LOC400499: variants seen among roughly 807,000 people sequenced by gnomAD.
the LOC400499 span, among the ~76,000 whole-genome samples, chr16:11,473,506 A>G: frequency 6.6e-6 from 1 of 152,142 alleles, no homozygotes; most frequent in Non-Finnish European, 1.5e-5. Flanking sequence ...ATGGAGTTGA[A>G]AAGTTTGGGA....
the LOC400499 span, among the ~76,000 whole-genome samples, chr16:11,461,776 G>A: frequency 1.3e-5 from 2 of 152,102 alleles, no homozygotes; most frequent in African/African-American, 4.8e-5. Context: ...ACCCATGAGC[G>A]GCACACCCAG....
chr16:11,390,781 G>C, the LOC400499 span, among the ~76,000 whole-genome samples: 1 of 152,152 alleles, frequency 6.6e-6, no homozygotes. Context: ...CCGGACCCCT[G>C]CTTGCTTCCT....
At chr16:11,416,855 A>G in the LOC400499 span, among the ~76,000 whole-genome samples, 1 of 152,090 alleles carries the variant, frequency 6.6e-6, no homozygotes, top group Non-Finnish European at 1.5e-5. Flanking sequence ...AAGGAGTGGA[A>G]CAAGTAGGGC....
chr16:11,459,985 A>G, the LOC400499 span: 2 of 1,515,500 alleles, frequency 1.3e-6, no homozygotes, highest in Non-Finnish European at 1.8e-6. Context: ...TTCTTGTCCC[A>G]GTGCTTCCCG....
At chr16:11,507,397 G>A in the LOC400499 span, among the ~76,000 whole-genome samples, 14 of 152,110 alleles carry the variant, frequency 9.2e-5, no homozygotes, top group African/African-American at 3.1e-4. Flanking sequence ...CCCAGCCCTC[G>A]GTGTCCACAG....
chr16:11,397,922 A>T, the LOC400499 span, among the ~76,000 whole-genome samples: 1 of 152,050 alleles, frequency 6.6e-6, no homozygotes, highest in South Asian at 2.1e-4. Flanking sequence ...GGATGGAAGG[A>T]TGCGTAAAGG....
chr16:11,440,784 T>G, the LOC400499 span: 12 of 398,960 alleles, frequency 3.0e-5, no homozygotes, highest in Non-Finnish European at 4.9e-5. Flanking sequence ...TGAATGTTCC[T>G]TGGGGACTCT....
At chr16:11,460,691 C>A in the LOC400499 span, 2 of 1,449,400 alleles carry the variant, frequency 1.4e-6, no homozygotes, top group Non-Finnish European at 1.8e-6. Flanking sequence ...GAGGGCCCGG[C>A]CCAGCCTGGC....
chr16:11,403,999 T>C, the LOC400499 span, among the ~76,000 whole-genome samples: 1 of 152,226 alleles, frequency 6.6e-6, no homozygotes, highest in Non-Finnish European at 1.5e-5. Context: ...CCAGCCATGC[T>C]AGCCCCGCAG....
chr16:11,461,197 C>T, the LOC400499 span: 2 of 1,461,838 alleles, frequency 1.4e-6, no homozygotes, highest in Non-Finnish European at 1.8e-6. Flanking sequence ...AAAGAAGGGA[C>T]TCAGGTATCA....
At chr16:11,413,394 G>A in the LOC400499 span, among the ~76,000 whole-genome samples, 5 of 152,136 alleles carry the variant, frequency 3.3e-5, no homozygotes, top group African/African-American at 1.2e-4. Context: ...GAGTGGACTG[G>A]GGCAGGGGTT....
At chr16:11,387,168 TG>T in the LOC400499 span, 1 of 1,232,192 alleles carries the variant, frequency 8.1e-7, no homozygotes, top group East Asian at 3.2e-5. Context: ...GCCAGCACGT[TG>T]GCCCCAGACA....
At chr16:11,475,841 C>T in the LOC400499 span, 2 of 389,078 alleles carry the variant, frequency 5.1e-6, no homozygotes, top group Non-Finnish European at 9.1e-6. Flanking sequence ...AGCCTTTGGG[C>T]AGTGCACACG....
At chr16:11,438,290 A>G in the LOC400499 span, among the ~76,000 whole-genome samples, 1 of 152,132 alleles carries the variant, frequency 6.6e-6, no homozygotes, top group African/African-American at 2.4e-5. Flanking sequence ...AACTCCACAA[A>G]AGCAAAAGGT....
chr16:11,512,767 T>C, the LOC400499 span, among the ~76,000 whole-genome samples: 2 of 152,178 alleles, frequency 1.3e-5, no homozygotes, highest in East Asian at 3.9e-4. Context: ...AGAAATCTCA[T>C]CCAACTCAGT....
the LOC400499 span, among the ~76,000 whole-genome samples, chr16:11,504,205 A>C: frequency 3.9e-5 from 6 of 152,210 alleles, no homozygotes; most frequent in Non-Finnish European, 8.8e-5. Context: ...AGGAGAAAAG[A>C]GGGCAGATCT....
chr16:11,449,029 G>A, the LOC400499 span: 2 of 1,517,058 alleles, frequency 1.3e-6, no homozygotes, highest in South Asian at 1.2e-5. Flanking sequence ...ATCTCGCCCT[G>A]CACTGCTGCG....
At chr16:11,432,209 A>C in the LOC400499 span, among the ~76,000 whole-genome samples, 1 of 152,254 alleles carries the variant, frequency 6.6e-6, no homozygotes, top group Non-Finnish European at 1.5e-5. Flanking sequence ...CAAGAGTCCC[A>C]GAGAATGACC....
the LOC400499 span, among the ~76,000 whole-genome samples, chr16:11,520,633 C>T: frequency 2.9e-5 from 4 of 136,376 alleles, no homozygotes; most frequent in South Asian, 2.2e-4. Flanking sequence ...TGCTATTGCA[C>T]GCCAGCCTGG....
Sources: gnomAD v4.1 joint callset for allele counts (sites outside exome capture counted in the v4.1 genomes callset) on GRCh38, gnomAD v4.1.1 for gene constraint, MANE v1.5 for transcripts.